PRRX2: variants seen among roughly 807,000 people sequenced by gnomAD.
The protein encoded by PRRX2 is paired related homeobox 2, also known as paired mesoderm homeobox protein 2.
In PRRX2, 11 loss-of-function variants were observed where a neutral mutation model predicts 18.0. The ratio of observed to expected loss-of-function variants is 0.61; its 90% CI spans 0.39 to 1.01. PRRX2 has a LOEUF of 1.01. PRRX2 is among the 50% of genes least tolerant of loss of function. The pLI is 0.01. For missense variants in PRRX2, 387 were observed against 351.0 expected, an observed-to-expected ratio of 1.10 and a Z score of -0.82; for synonymous variants, 177 against 154.8, an observed-to-expected ratio of 1.14 and a Z score of -1.06.
chr9:129,685,530 ATTC>A (rs2130915507), intron 1 of PRRX2, among the ~76,000 whole-genome samples: 1 of 152,070 alleles, frequency 6.6e-6, no homozygotes, highest in South Asian at 2.1e-4. Context: ...CACCTGGCTA[ATTC>A]TTTAAATTTT....
At chr9:129,714,017 A>T (rs1832670674) in intron 1 of PRRX2, among the ~76,000 whole-genome samples, 1 of 151,232 alleles carries the variant, frequency 6.6e-6, no homozygotes, top group Non-Finnish European at 1.5e-5. Flanking sequence ...CCGTGTGTGT[A>T]AAATGATTCC....
chr9:129,679,608 C>G (rs772581516), intron 1 of PRRX2, among the ~76,000 whole-genome samples: 4 of 152,228 alleles, frequency 2.6e-5, no homozygotes, highest in Non-Finnish European at 5.9e-5. Context: ...CTACCCCTGC[C>G]GACCTGGAGT....
intron 1 of PRRX2, among the ~76,000 whole-genome samples, chr9:129,673,400 T>C (rs917266944): frequency 6.6e-6 from 1 of 152,150 alleles, no homozygotes; most frequent in African/African-American, 2.4e-5. Context: ...GAGGCTGCAG[T>C]GAGCTGTGAT....
At chr9:129,720,918 T>C in intron 3 of PRRX2, 144 bp downstream of exon 3, 1 of 959,772 alleles carries the variant, frequency 1.0e-6, no homozygotes, top group South Asian at 2.1e-5. Flanking sequence ...CCAAGTGATG[T>C]GTGGCGAGTG....
intron 1 of PRRX2, among the ~76,000 whole-genome samples, chr9:129,712,583 A>G (rs1832639401): frequency 6.6e-6 from 1 of 152,192 alleles, no homozygotes; most frequent in Admixed American, 6.5e-5. Context: ...AAAACCGTGC[A>G]CCAGTCATTT....
At position 129,665,931 on chromosome 9, in the gene PRRX2, C is replaced by T; in HGVS notation, c.64C>T (p.Pro22Ser). The change falls in exon 1 of 4, where the codon CCT becomes TCT. Residue 22 changes from proline to serine, a missense_variant. Pro to Ser is a moderately conservative substitution (Grantham distance 74, BLOSUM62 -1). Coordinates refer to ENST00000372469, the MANE Select transcript of PRRX2 (RefSeq NM_016307.4). The surrounding 1 kb of genome is among the most constrained non-coding windows in gnomAD (Gnocchi z 5.3). ...GGCGCTGGGCCCGGGGCCGCCGCCG[C>T]CTCCACCCGCGCTGGGGCCCGGCGA... is the stretch of plus-strand genomic sequence containing the variant. ...KPALGPGPPP[P>S]PPALGPGDCA... is the part of the protein sequence containing the mutation. 8.9e-7 allele frequency: 1 copy of T among 1,121,664 alleles called. No individual in the cohort carries two copies. Among genetic ancestry groups the T allele is most frequent in the Non-Finnish European group, 1.1e-6 (1 of 916,230 alleles). The allele number at this position is 1,121,664 out of a possible 1,614,324, so 69.5% of individuals were successfully genotyped here.
chr9:129,689,109 T>G (rs1832328802), intron 1 of PRRX2, among the ~76,000 whole-genome samples: 1 of 152,162 alleles, frequency 6.6e-6, no homozygotes, highest in Non-Finnish European at 1.5e-5. Context: ...GACACTCCTG[T>G]GCTCCTGAAC....
chr9:129,722,473 C>T lies in PRRX2; in HGVS notation c.*121C>T, dbSNP rs1275354704. On this transcript the variant is annotated 3_prime_UTR_variant, in exon 4 of 4. Coordinates refer to ENST00000372469, the MANE Select transcript of PRRX2 (RefSeq NM_016307.4). ...TCCTGGCCCGTCTGTCCAGCCTGGA[C>T]TCCCGAGCCCACGAGGCTGTTGAGG... 1.7e-6 allele frequency: 2 copies of T among 1,193,022 alleles called. No individual in the cohort carries two copies. The highest frequency in any genetic ancestry group is 2.2e-6 in the Non-Finnish European group (2 of 921,066). The allele number at this position is 1,193,022 out of a possible 1,614,324, so 73.9% of individuals were successfully genotyped here.
At chr9:129,721,950 T>A (rs1392112836) in intron 3 of PRRX2, among the ~76,000 whole-genome samples, 1 of 152,034 alleles carries the variant, frequency 6.6e-6, no homozygotes, top group African/African-American at 2.4e-5. Flanking sequence ...AGGCCCAGGG[T>A]ACGCATGGAG....
chr9:129,707,790 C>CAAA (rs34188002), intron 1 of PRRX2, among the ~76,000 whole-genome samples: 5 of 118,828 alleles, frequency 4.2e-5, no homozygotes, highest in South Asian at 5.5e-4. Flanking sequence ...GACTGTGTCT[C>CAAA]AAAAAAAAAA....
chr9:129,704,395 C>T (rs1832534436), intron 1 of PRRX2, among the ~76,000 whole-genome samples: 3 of 152,156 alleles, frequency 2.0e-5, no homozygotes, highest in Non-Finnish European at 4.4e-5. Flanking sequence ...GAGGAGAGAC[C>T]TCTTGTCTGA....
intron 1 of PRRX2, among the ~76,000 whole-genome samples, chr9:129,717,484 C>A (rs2130935322): frequency 6.6e-6 from 1 of 151,926 alleles, no homozygotes; most frequent in East Asian, 2.0e-4. Context: ...TTGCTCGAGG[C>A]CAAGAGTTCG....
In PRRX2 at chr9:129,684,749, G is replaced by A. The variant is rs58942640; in HGVS notation, c.259+18623G>A. ...TGCTCCTGGGTGTAACAGAACTCACGTTTATAAAGGAAGAGTTCTCTAAAC... is the reference window on the plus strand; with the variant it reads ...TGCTCCTGGGTGTAACAGAACTCACATTTATAAAGGAAGAGTTCTCTAAAC... On this transcript the variant is annotated intron_variant, in intron 1 of 3. Transcript: ENST00000372469. Among the ~76,000 whole-genome samples, 137 of 152,246 alleles carry A rather than the reference G, an allele frequency of 9.0e-4. 1 individual carries two copies. The East Asian group carries it at 0.023, about 26-fold the overall frequency.
chr9:129,722,376 A>G lies in PRRX2; in HGVS notation c.*24A>G. On this transcript the variant is annotated 3_prime_UTR_variant, in exon 4 of 4. Coordinates refer to ENST00000372469, the MANE Select transcript of PRRX2 (RefSeq NM_016307.4). ...GAAGTCCAGTCCCACCAGGACCCAG[A>G]CGCCTCCCTGGGTGGACAGCAATAG... 1.2e-6 allele frequency: 2 copies of G among 1,611,726 alleles called. No homozygotes were observed. Among genetic ancestry groups the G allele is most frequent in the South Asian group, 2.2e-5 (2 of 90,922 alleles).
intron 1 of PRRX2, among the ~76,000 whole-genome samples, chr9:129,684,532 A>ACACACACACACCCC (rs1165343797): frequency 2.8e-4 from 40 of 140,370 alleles, no homozygotes; most frequent in African/African-American, 3.7e-4. Context: ...ACCCACACAC[A>ACACACACACACCCC]CCCCAACAGA....
intron 1 of PRRX2, among the ~76,000 whole-genome samples, chr9:129,684,468 A>C (rs2119066617): frequency 6.9e-6 from 1 of 144,844 alleles, no homozygotes; most frequent in African/African-American, 2.6e-5. Flanking sequence ...ACCCAACAGA[A>C]AAGATACCAG....
chr9:129,677,737 C>T (rs921340443), intron 1 of PRRX2, among the ~76,000 whole-genome samples: 2 of 152,218 alleles, frequency 1.3e-5, no homozygotes, highest in Non-Finnish European at 2.9e-5. Flanking sequence ...TCCCGCAGAG[C>T]GGGCCGCCCC....
At chr9:129,683,608 A>G (rs892675493) in intron 1 of PRRX2, among the ~76,000 whole-genome samples, 11 of 152,030 alleles carry the variant, frequency 7.2e-5, no homozygotes, top group Middle Eastern at 3.2e-3. Context: ...GGTGACGGGC[A>G]CCTGTAGTCC....
At chr9:129,721,615 T>G (rs1188474821) in intron 3 of PRRX2, among the ~76,000 whole-genome samples, 4 of 152,060 alleles carry the variant, frequency 2.6e-5, no homozygotes, top group African/African-American at 9.7e-5. Flanking sequence ...AGTCTCGCTC[T>G]GTCACCCAGG....
Sources: allele counts gnomAD v4.1 joint callset (sites outside exome capture counted in the v4.1 genomes callset), GRCh38; gene constraint gnomAD v4.1.1; non-coding constraint Gnocchi (gnomAD v3.1); transcripts MANE v1.5; gene names NCBI Gene and HGNC (gene_info 2026-07-23, HGNC 2026-07-21).